The following APAF1 variants were observed in gnomAD, a reference collection of about 807,000 sequenced individuals.
The protein encoded by APAF1 is apoptotic peptidase activating factor 1, also known as apoptotic protease-activating factor 1.
In APAF1, 91 loss-of-function variants were observed where a neutral mutation model predicts 152.4. The observed-to-expected ratio is 0.60, with a 90% confidence interval of 0.50 to 0.71. The LOEUF (loss-of-function observed/expected upper bound fraction) is 0.71. APAF1 is among the 30% of genes least tolerant of loss of function. The pLI is 0.00. For synonymous variants in APAF1, 484 were observed against 494.1 expected (o/e 0.98, Z 0.27); for missense variants, 1,283 against 1,472.0 (o/e 0.87, Z 2.10).
At chr12:98,701,330 C>T (rs1394025449) in intron 17 of APAF1, among the ~76,000 whole-genome samples, 1 of 152,044 alleles carries the variant, frequency 6.6e-6, no homozygotes, top group Non-Finnish European at 1.5e-5. Flanking sequence ...CATTGGTGTA[C>T]AAGTATCTAT....
chr12:98,663,133 A>G (rs1227602705), intron 7 of APAF1, among the ~76,000 whole-genome samples: 1 of 152,318 alleles, frequency 6.6e-6, no homozygotes, highest in East Asian at 1.9e-4. Flanking sequence ...GGGATTTTAT[A>G]AAAATAGTGT....
intron 12 of APAF1, among the ~76,000 whole-genome samples, chr12:98,673,800 G>A (rs879321148): frequency 1.1e-4 from 17 of 152,288 alleles, no homozygotes; most frequent in Admixed American, 1.1e-3. Flanking sequence ...TCGTAGTGAA[G>A]AAAGGAGTTT....
chr12:98,732,810 A>T lies in APAF1; in HGVS notation c.*244A>T, dbSNP rs2097764230. 2.2e-6 allele frequency: 1 copy of T among 463,468 alleles called. No homozygotes were observed. The highest frequency in any genetic ancestry group is 2.0e-5 in the African/African-American group (1 of 50,920). The allele number at this position is 463,468 out of a possible 1,614,324, so 28.7% of individuals were successfully genotyped here. A position where few individuals can be genotyped will look rare whatever the true frequency, so the allele number is the denominator to read the frequency against. ...TCCTTAGGATGCAAATGAAAATGTG[A>T]ATACATACCTTGTTGTACTGTTGGT... On this transcript the variant is annotated 3_prime_UTR_variant, in exon 27 of 27. Transcript: ENST00000551964.
chr12:98,728,846 A>T lies in APAF1; in HGVS notation c.3600+1530A>T, dbSNP rs1031917851. The stretch of plus-strand genomic sequence containing the variant: ...ATTGGCTTTTTAAAACTTACTAGTG[A>T]TTGAGGCCGCAATTTGAATGTGTTG... On this transcript the variant is annotated intron_variant, in intron 26 of 26. Transcript: ENST00000551964. 4.6e-5 allele frequency among the ~76,000 whole-genome samples: 7 copies of T among 152,312 alleles called. No homozygotes were observed. The South Asian group carries it at 1.5e-3, about 32-fold the overall frequency.
At chr12:98,665,255 C>CATATATATATATATAT (rs35804742) in intron 7 of APAF1, among the ~76,000 whole-genome samples, 12 of 97,868 alleles carry the variant, frequency 1.2e-4, no homozygotes, top group African/African-American at 2.7e-4. Context: ...TAGACTGGCG[C>CATATATATATATATAT]ATATATATAT....
intron 4 of APAF1, 45 bp downstream of exon 4, chr12:98,649,729 A>T: frequency 6.6e-7 from 1 of 1,512,956 alleles, no homozygotes; most frequent in Non-Finnish European, 9.1e-7. Flanking sequence ...GTAGATAGAC[A>T]TGTAAAAATA....
intron 5 of APAF1, among the ~76,000 whole-genome samples, chr12:98,659,576 A>G (rs2097662176): frequency 6.6e-6 from 1 of 151,870 alleles, no homozygotes; most frequent in Non-Finnish European, 1.5e-5. Flanking sequence ...ACATGGTGAA[A>G]CCCCATCTCT....
intron 16 of APAF1, among the ~76,000 whole-genome samples, chr12:98,698,840 T>G (rs1403652979): frequency 6.6e-6 from 1 of 152,238 alleles, no homozygotes; most frequent in African/African-American, 2.4e-5. Flanking sequence ...GAGCAAAGTT[T>G]ACAGTATTTT....
chr12:98,700,100 A>T (rs186128629), intron 17 of APAF1, among the ~76,000 whole-genome samples: 1 of 152,288 alleles, frequency 6.6e-6, no homozygotes, highest in East Asian at 1.9e-4. Context: ...TAAATAAGAA[A>T]ATTCTTTGCT....
intron 26 of APAF1, among the ~76,000 whole-genome samples, chr12:98,731,767 T>G (rs2097762001): frequency 6.6e-6 from 1 of 152,244 alleles, no homozygotes; most frequent in South Asian, 2.1e-4. Flanking sequence ...GTAAACTTTA[T>G]GATTCCCATT....
At chr12:98,672,487 T>C (rs2097681485) in intron 12 of APAF1, among the ~76,000 whole-genome samples, 1 of 151,216 alleles carries the variant, frequency 6.6e-6, no homozygotes, top group Admixed American at 6.6e-5. Context: ...GTAAATGAGA[T>C]AATGGCTGTA....
chr12:98,689,691 C>T (rs1426480680), intron 16 of APAF1, among the ~76,000 whole-genome samples: 1 of 152,150 alleles, frequency 6.6e-6, no homozygotes, highest in Non-Finnish European at 1.5e-5. Flanking sequence ...GAACTAAGCT[C>T]AAGCGATCCT....
At chr12:98,667,376 A>G in intron 9 of APAF1, 137 bp from the exon 10 acceptor site, 1 of 1,008,472 alleles carries the variant, frequency 9.9e-7, no homozygotes, top group Non-Finnish European at 1.5e-6. Flanking sequence ...TTGGCCTCCC[A>G]AAGTGCTGGG....
chr12:98,671,514 G>A, intron 11 of APAF1, 21 bp from the exon 12 acceptor site: 1 of 1,610,698 alleles, frequency 6.2e-7, no homozygotes, highest in Non-Finnish European at 8.5e-7. Flanking sequence ...GTGTTTCTAA[G>A]AGATTTCAGT....
intron 16 of APAF1, among the ~76,000 whole-genome samples, chr12:98,696,360 A>G (rs1201399689): frequency 6.6e-6 from 1 of 151,946 alleles, no homozygotes; most frequent in Non-Finnish European, 1.5e-5. Flanking sequence ...AACAACCCGC[A>G]CTCTTGAGAA....
rs963095785 is a variant in APAF1 at position 98,708,470 on chromosome 12, T to C, written c.2722-115T>C. ...TTTATTTTTGGATTATAATCTAATA[T>C]TGAAACCTTTCTAGCATCATAGGTA... On this transcript the variant is annotated intron_variant, in intron 19 of 26. Coordinates refer to ENST00000551964, the MANE Select transcript of APAF1 (RefSeq NM_181861.2). 4 of 1,059,502 alleles carry C rather than the reference T, an allele frequency of 3.8e-6. No homozygotes were observed. In the East Asian group the frequency reaches 1.0e-4, roughly 26 times the overall value. The allele number at this position is 1,059,502 out of a possible 1,614,324, so 65.6% of individuals were successfully genotyped here. A position where few individuals can be genotyped will look rare whatever the true frequency, so the allele number is the denominator to read the frequency against.
In APAF1 at chr12:98,645,297, GAGA is replaced by G. The variant is rs1437936299; in HGVS notation, c.-573_-571del. On this transcript the variant is annotated 5_prime_UTR_variant, in exon 1 of 27. Coordinates refer to ENST00000551964, the MANE Select transcript of APAF1 (RefSeq NM_181861.2). ...TTGACTGCTCCGCTGTCCAGAGGCG[GAGA>G]AGAAGAGGTAGCGAGTGGACGTGAC... 3 of 152,940 alleles carry G rather than the reference GAGA, an allele frequency of 2.0e-5. No homozygotes were observed. Among genetic ancestry groups the G allele is most frequent in the African/African-American group, 7.2e-5 (3 of 41,470 alleles). 9.5% of individuals were successfully genotyped at this position (152,940 alleles called of 1,614,324 possible). A position where few individuals can be genotyped will look rare whatever the true frequency, so the allele number is the denominator to read the frequency against.
chr12:98,723,143 G>T, intron 22 of APAF1, 50 bp from the exon 23 acceptor site: 1 of 1,595,570 alleles, frequency 6.3e-7, no homozygotes, highest in Non-Finnish European at 8.6e-7. Flanking sequence ...CCCCTCCAAT[G>T]AGATAGGATC....
At chr12:98,722,269 A>G (rs1022610266) in intron 22 of APAF1, among the ~76,000 whole-genome samples, 12 of 152,074 alleles carry the variant, frequency 7.9e-5, no homozygotes, top group African/African-American at 2.7e-4. Flanking sequence ...ACTTTTTTTG[A>G]GTTTCACAGA....
Sources: allele counts gnomAD v4.1 joint callset (sites outside exome capture counted in the v4.1 genomes callset), GRCh38; gene constraint gnomAD v4.1.1; transcripts MANE v1.5; gene names NCBI Gene and HGNC (gene_info 2026-07-23, HGNC 2026-07-21).